Variants in DSC1 observed in about 807,000 individuals in gnomAD.
The protein encoded by DSC1 is desmocollin-1.
DSC1 carries 79 observed loss-of-function variants against 98.8 expected under a neutral mutation model. The ratio of observed to expected loss-of-function variants is 0.80; its 90% CI spans 0.67 to 0.96. The LOEUF is 0.96. Among genes scored for constraint, DSC1 ranks in the 50% least tolerant of loss-of-function variants. The pLI, the probability that DSC1 is intolerant of heterozygous loss-of-function variation, is 0.00. For synonymous variants in DSC1, 405 were observed against 372.1 expected (o/e 1.09, Z -1.02); for missense variants, 1,115 against 1,075.9 (o/e 1.04, Z -0.51).
At chr18:31,150,844 G>C (rs991223068) in intron 5 of DSC1, 5 of 152,162 alleles carry the variant, frequency 3.3e-5, no homozygotes, top group African/African-American at 4.8e-5. Context: ...ACTGATACGT[G>C]TATCCTAGAA....
intron 14 of DSC1, chr18:31,132,244 G>T: frequency 2.9e-6 from 1 of 349,746 alleles, no homozygotes; most frequent in Non-Finnish European, 5.3e-6. Context: ...ATTGGCAGAA[G>T]CTAGGAGAGA....
At chr18:31,140,351 G>T (rs1214758174) in intron 9 of DSC1, 50 bp from the exon 10 acceptor site, 2 of 1,499,626 alleles carry the variant, frequency 1.3e-6, no homozygotes, top group Non-Finnish European at 9.0e-7. Flanking sequence ...TTATATATAA[G>T]ACTTCTAATT....
chr18:31,142,319 A>G (rs1204024240), intron 8 of DSC1, 135 bp from the exon 9 acceptor site: 4 of 902,058 alleles, frequency 4.4e-6, no homozygotes, highest in Non-Finnish European at 6.4e-6. Context: ...GAAACATTTT[A>G]CAAATTTAAT....
Position 31,157,608 on chromosome 18 carries a change from T to A in DSC1, c.149-35A>T, listed in dbSNP as rs755519078. 1.9e-6 allele frequency: 3 copies of A among 1,611,950 alleles called. No individual in the cohort carries two copies. In the African/African-American group the frequency reaches 4.0e-5, roughly 22 times the overall value. On this transcript the variant is annotated intron_variant, in intron 2 of 15. Transcript: ENST00000257198. Reference sequence around the variant, plus strand: ...AGAAATATCACAGCAGTTTGTCAGATGAAACAGGAGTGGAACAAGTTTTAC... The same window carrying A: ...AGAAATATCACAGCAGTTTGTCAGAAGAAACAGGAGTGGAACAAGTTTTAC...
At chr18:31,134,346 T>C (rs1197361227) in intron 12 of DSC1, among the ~76,000 whole-genome samples, 1 of 152,016 alleles carries the variant, frequency 6.6e-6, no homozygotes, top group Non-Finnish European at 1.5e-5. Flanking sequence ...GTTGCTCAAA[T>C]GTTAATTAAA....
At chr18:31,147,451 TA>T (rs1988870111) in intron 6 of DSC1, among the ~76,000 whole-genome samples, 1 of 152,162 alleles carries the variant, frequency 6.6e-6, no homozygotes, top group African/African-American at 2.4e-5. Flanking sequence ...CTGCCTTCTA[TA>T]TGTGGGTAGC....
At chr18:31,138,353 T>C (rs908648008) in intron 11 of DSC1, among the ~76,000 whole-genome samples, 1 of 152,126 alleles carries the variant, frequency 6.6e-6, no homozygotes, top group African/African-American at 2.4e-5. Context: ...TCGCCACTTC[T>C]GATAATATTC....
At chr18:31,145,509 C>T in intron 7 of DSC1, 102 bp downstream of exon 7, 1 of 1,331,036 alleles carries the variant, frequency 7.5e-7, no homozygotes, top group South Asian at 1.4e-5. Flanking sequence ...CAGAAGCATG[C>T]TGAGAAAGGA....
chr18:31,148,438 A>C, intron 6 of DSC1, 60 bp downstream of exon 6: 1 of 1,480,218 alleles, frequency 6.8e-7, no homozygotes, highest in Non-Finnish European at 9.1e-7. Context: ...ATCTTTAATT[A>C]TAATACTTAC....
chr18:31,154,138 T>C (rs982016410), intron 5 of DSC1, among the ~76,000 whole-genome samples: 29 of 152,148 alleles, frequency 1.9e-4, no homozygotes, highest in Non-Finnish European at 4.4e-5. Flanking sequence ...GATTTAATTA[T>C]CAGAAGAGTT....
intron 11 of DSC1, among the ~76,000 whole-genome samples, chr18:31,139,337 C>T (rs568066842): frequency 6.6e-6 from 1 of 152,016 alleles, no homozygotes; most frequent in African/African-American, 2.4e-5. Context: ...TTACTTTGAA[C>T]CCAACTGTTT....
In DSC1 at chr18:31,145,731, G is replaced by A; in HGVS notation, c.819C>T (p.Asp273=). ...KVTATDLDEP[D]TLHTRLKYKI... ...TATATTTCAGACGAGTATGGAGAGT[G>A]TCAGGTTCGTCAAGGTCTGTGGCGG... The change falls in exon 7 of 16, where the codon GAC becomes GAT. Residue 273 remains aspartate, a synonymous_variant. Coordinates refer to ENST00000257198, the MANE Select transcript of DSC1 (RefSeq NM_024421.2). 1 of 1,614,202 alleles carries A rather than the reference G, an allele frequency of 6.2e-7. No homozygotes were observed. The highest frequency in any genetic ancestry group is 2.2e-5 in the East Asian group (1 of 44,880).
intron 11 of DSC1, among the ~76,000 whole-genome samples, chr18:31,135,359 A>G (rs1017319329): frequency 1.3e-5 from 2 of 152,154 alleles, no homozygotes; most frequent in Non-Finnish European, 2.9e-5. Context: ...TCCACAGACA[A>G]TGGTAGCCAT....
At chr18:31,132,117 T>C (rs967565926) in intron 14 of DSC1, 1 of 471,998 alleles carries the variant, frequency 2.1e-6, no homozygotes, top group African/African-American at 2.0e-5. Flanking sequence ...GGGATTAGAG[T>C]GGGTCCCTAA....
intron 5 of DSC1, among the ~76,000 whole-genome samples, chr18:31,152,090 A>C (rs749056133): frequency 9.9e-5 from 15 of 152,036 alleles, no homozygotes; most frequent in Non-Finnish European, 1.9e-4. Context: ...TGAACTCAGA[A>C]GGCAGAGGTT....
At chr18:31,158,263 T>C (rs1989140594) in intron 2 of DSC1, among the ~76,000 whole-genome samples, 2 of 152,156 alleles carry the variant, frequency 1.3e-5, no homozygotes, top group Admixed American at 6.5e-5. Context: ...CAAGACTTTG[T>C]CTCTAAATAA....
chr18:31,150,295 TACC>T (rs1988952928), intron 5 of DSC1, among the ~76,000 whole-genome samples: 6 of 33,608 alleles, frequency 1.8e-4, no homozygotes, highest in African/African-American at 3.5e-4. Flanking sequence ...CCACCACCAC[TACC>T]ATCATCACCA....
At chr18:31,138,332 G>C (rs1385125293) in intron 11 of DSC1, among the ~76,000 whole-genome samples, 2 of 151,940 alleles carry the variant, frequency 1.3e-5, no homozygotes, top group Admixed American at 1.3e-4. Context: ...ATCTGAGCAG[G>C]TCTTAACTGA....
intron 5 of DSC1, among the ~76,000 whole-genome samples, chr18:31,153,552 A>G (rs994239361): frequency 6.6e-6 from 1 of 152,182 alleles, no homozygotes; most frequent in Admixed American, 6.5e-5. Flanking sequence ...TGAATTTTGT[A>G]TTTAATTATG....
Sources: allele counts gnomAD v4.1 joint callset (sites outside exome capture counted in the v4.1 genomes callset), GRCh38; gene constraint gnomAD v4.1.1; transcripts MANE v1.5; gene names NCBI Gene and HGNC (gene_info 2026-07-23, HGNC 2026-07-21).